The following HHLA2 variants were observed in gnomAD, a reference collection of about 807,000 sequenced individuals.
HHLA2 encodes the protein HERV-H LTR-associating protein 2.
In HHLA2, 48 loss-of-function variants were observed where a neutral mutation model predicts 45.9. That is an observed-to-expected ratio of 1.05 (90% CI 0.83 to 1.33). The LOEUF is 1.33. Among genes scored for constraint, HHLA2 ranks in the 40% most tolerant of loss-of-function variants. The pLI, the probability that HHLA2 is intolerant of heterozygous loss-of-function variation, is 0.00. For missense variants in HHLA2, 462 were observed against 494.3 expected (o/e 0.93, Z 0.62); for synonymous variants, 161 against 173.9 (o/e 0.93, Z 0.59).
At chr3:108,371,518 GAC>G (rs1305749913) in intron 8 of HHLA2, among the ~76,000 whole-genome samples, 1 of 152,154 alleles carries the variant, frequency 6.6e-6, no homozygotes, top group East Asian at 1.9e-4. Flanking sequence ...CCAATTAAAA[GAC>G]ACAGAGTGGC....
chr3:108,369,094 G>T (rs577066664), intron 8 of HHLA2, among the ~76,000 whole-genome samples: 2 of 152,148 alleles, frequency 1.3e-5, no homozygotes, highest in Non-Finnish European at 2.9e-5. Flanking sequence ...CAACTACAAG[G>T]ACACTGAACA....
intron 2 of HHLA2, among the ~76,000 whole-genome samples, chr3:108,319,929 A>G (rs900510940): frequency 2.6e-5 from 4 of 152,218 alleles, no homozygotes; most frequent in Admixed American, 2.6e-4. Flanking sequence ...ATGCATGTAC[A>G]TATCACATAG....
chr3:108,377,259 C>T, exon 11 of HHLA2: 1 of 1,562,992 alleles, frequency 6.4e-7, no homozygotes, highest in Non-Finnish European at 8.8e-7. Context: ...TGCTTCTAGC[C>T]TCTTTCAGGA....
In HHLA2 at chr3:108,331,079, G is replaced by A. The variant is rs910455972; in HGVS notation, c.-27+2732G>A. On this transcript the variant is annotated intron_variant, in intron 3 of 10. Coordinates refer to ENST00000619531, the Ensembl canonical transcript of HHLA2. Reference sequence around the variant, plus strand: ...AGTTTATTAGGGTGTTTCAAACCTGGGCATCCCACCCGGTTCGAGAATATG... The same window carrying A: ...AGTTTATTAGGGTGTTTCAAACCTGAGCATCCCACCCGGTTCGAGAATATG... Among the ~76,000 whole-genome samples, 3 of 152,026 alleles carry A rather than the reference G, an allele frequency of 2.0e-5. No homozygotes were observed. In the East Asian group the frequency reaches 5.8e-4, roughly 29 times the overall value.
At chr3:108,308,780 G>T (rs1955204) in intron 1 of HHLA2, among the ~76,000 whole-genome samples, 1 of 151,844 alleles carries the variant, frequency 6.6e-6, no homozygotes, top group Non-Finnish European at 1.5e-5. Flanking sequence ...GCACCTTTTC[G>T]TATGCCTGTT....
chr3:108,372,529 G>A (rs2082196414), intron 8 of HHLA2, among the ~76,000 whole-genome samples: 4 of 149,630 alleles, frequency 2.7e-5, no homozygotes, highest in Middle Eastern at 7.0e-3. Context: ...AAAAATCAAT[G>A]AATCCAGGAG....
chr3:108,327,089 T>C (rs1321551333), intron 2 of HHLA2, among the ~76,000 whole-genome samples: 1 of 152,190 alleles, frequency 6.6e-6, no homozygotes, highest in Admixed American at 6.5e-5. Context: ...GGTTGGAAGT[T>C]ATAATTTGGG....
rs752706157 is a variant in HHLA2, at chr3:108,376,485, T to C, written c.1160-8T>C. 3.1e-6 allele frequency: 5 copies of C among 1,594,818 alleles called. No homozygotes were observed. In the African/African-American group the frequency reaches 5.4e-5, roughly 17 times the overall value. On this transcript the variant is annotated splice_polypyrimidine_tract_variant and splice_region_variant and intron_variant, in intron 9 of 10. Transcript: ENST00000619531. ...ATTATTTTTAAGTTCTCTTTTTTTT[T>C]CCTGTAGAAAGATGTTGTGTCCCTC...
intron 1 of HHLA2, among the ~76,000 whole-genome samples, chr3:108,308,057 G>A (rs1012226176): frequency 2.6e-5 from 4 of 152,122 alleles, no homozygotes; most frequent in Non-Finnish European, 5.9e-5. Context: ...GTGCAATTAT[G>A]TTATTGATTA....
chr3:108,322,270 T>G (rs2081216612), intron 2 of HHLA2, among the ~76,000 whole-genome samples: 1 of 152,226 alleles, frequency 6.6e-6, no homozygotes, highest in Non-Finnish European at 1.5e-5. Context: ...ATTAGATATC[T>G]GTTTGATAAA....
intron 3 of HHLA2, among the ~76,000 whole-genome samples, chr3:108,348,810 CCT>C (rs1348301310): frequency 6.6e-6 from 1 of 151,920 alleles, no homozygotes; most frequent in African/African-American, 2.4e-5. Context: ...CCCCCCACCC[CCT>C]GACAGGCCCC....
At chr3:108,336,463 T>C (rs1017883067) in intron 3 of HHLA2, among the ~76,000 whole-genome samples, 1 of 152,182 alleles carries the variant, frequency 6.6e-6, no homozygotes, top group Non-Finnish European at 1.5e-5. Flanking sequence ...GGGTGACCCA[T>C]CTCTTGTTAG....
intron 8 of HHLA2, among the ~76,000 whole-genome samples, chr3:108,369,301 A>G (rs1356724867): frequency 6.6e-6 from 1 of 152,176 alleles, no homozygotes; most frequent in Non-Finnish European, 1.5e-5. Context: ...CCCTAACATC[A>G]CAATGAAAAA....
At chr3:108,300,210 T>G (rs62266174) in intron 1 of HHLA2, among the ~76,000 whole-genome samples, 31,151 of 151,934 alleles carry the variant, frequency 0.21, 4,326 homozygotes, top group Non-Finnish European at 0.29. Flanking sequence ...AGACAGTGTG[T>G]GAGAAGATGA....
intron 8 of HHLA2, among the ~76,000 whole-genome samples, chr3:108,373,451 C>T (rs2107515384): frequency 6.6e-6 from 1 of 152,058 alleles, no homozygotes; most frequent in African/African-American, 2.4e-5. Context: ...CACTCCTATT[C>T]AACATAGTGT....
rs200032755 is a variant in HHLA2, at chr3:108,340,916, C to A, written c.-26-10872C>A. ...TTTTCTTTTTTTTTTTTTTTCCTTCCTTCCTTCCTTCCTTCCTTCCTTCCT... is the reference window on the plus strand; with the variant it reads ...TTTTCTTTTTTTTTTTTTTTCCTTCATTCCTTCCTTCCTTCCTTCCTTCCT... On this transcript the variant is annotated intron_variant, in intron 3 of 10. Transcript: ENST00000619531. 3.8e-3 allele frequency among the ~76,000 whole-genome samples: 172 copies of A among 44,950 alleles called. 3 individuals are homozygous for A. The highest frequency in any genetic ancestry group is 4.7e-3 in the Non-Finnish European group (110 of 23,318). 29.5% of individuals were successfully genotyped at this position (44,950 alleles called of 152,430 possible). A position where few individuals can be genotyped will look rare whatever the true frequency, so the allele number is the denominator to read the frequency against.
At chr3:108,325,916 G>A (rs2081280853) in intron 2 of HHLA2, 1 of 394,852 alleles carries the variant, frequency 2.5e-6, no homozygotes, top group Admixed American at 2.7e-5. Flanking sequence ...CTTCAATAAG[G>A]CTTTCCTTAT....
Position 108,362,387 on chromosome 3 carries a change from TG to T in HHLA2, c.1051del (p.Val351CysfsTer11), listed in dbSNP as rs1379986057. The T allele has an allele frequency of 1.9e-6, 3 of 1,613,180 alleles. No individual in the cohort carries two copies. The highest frequency in any genetic ancestry group is 2.5e-6 in the Non-Finnish European group (3 of 1,179,636). The stretch of plus-strand genomic sequence containing the variant: ...TCCCATAACAAAGGCTTATGGATTT[TG>T]GTGCCCTCTGCGATTTTGGCAGCTT... On this transcript the variant is annotated frameshift_variant, in exon 8 of 11. Coordinates refer to ENST00000619531, the Ensembl canonical transcript of HHLA2. LOFTEE classifies it high-confidence loss of function.
intron 6 of HHLA2, among the ~76,000 whole-genome samples, chr3:108,356,029 CTTTT>C (rs3053487): frequency 2.1e-4 from 25 of 118,228 alleles, no homozygotes; most frequent in Non-Finnish European, 2.7e-4. Flanking sequence ...ATTTGTTTTC[CTTTT>C]TTTTTTTTTT....
Sources: gnomAD v4.1 joint callset for allele counts (sites outside exome capture counted in the v4.1 genomes callset) on GRCh38, gnomAD v4.1.1 for gene constraint, MANE v1.5 for transcripts, NCBI Gene and HGNC (gene_info 2026-07-23, HGNC 2026-07-21) for gene names.